Variants in PLCH2 observed in about 807,000 individuals in gnomAD.
PLCH2 encodes the protein phospholipase C eta 2, also known as 1-phosphatidylinositol 4,5-bisphosphate phosphodiesterase eta-2.
In PLCH2, 98 loss-of-function variants were observed where a neutral mutation model predicts 134.7. The ratio of observed to expected loss-of-function variants is 0.73; its 90% CI spans 0.62 to 0.86. PLCH2 has a LOEUF of 0.86. Ranked by LOEUF, PLCH2 falls within the 40% of genes least tolerant of loss-of-function variation. The probability of loss-of-function intolerance (pLI) is 0.00; values close to 1 mark genes in which losing one functional copy is unlikely to be tolerated. For missense variants in PLCH2, 1,994 were observed against 1,986.6 expected, an observed-to-expected ratio of 1.00 and a Z score of -0.07; for synonymous variants, 974 against 827.5, an observed-to-expected ratio of 1.18 and a Z score of -3.04.
At chr1:2,456,349 G>T (rs2100571664) in intron 2 of PLCH2, among the ~76,000 whole-genome samples, 1 of 152,336 alleles carries the variant, frequency 6.6e-6, no homozygotes, top group South Asian at 2.1e-4. Flanking sequence ...GTCTTGGAGG[G>T]GCTCCAGCCC....
chr1:2,498,827 C>T lies in PLCH2; in HGVS notation c.2433C>T (p.Asn811=), dbSNP rs768544987. 1.9e-5 allele frequency: 31 copies of T among 1,605,772 alleles called. No individual in the cohort carries two copies. The highest frequency in any genetic ancestry group is 2.2e-5 in the East Asian group (1 of 44,742). The part of the protein sequence containing the change: ...SREQTRVVDD[N]GFNPTWEETL... ...AGCAGACCCGCGTGGTGGACGACAA[C>T]GGTGAGGCTGGGCCGTGGCTCCGTC... The change falls in exon 18 of 22, where the codon AAC becomes AAT. Residue 811 remains asparagine, a splice_region_variant and synonymous_variant. Transcript: ENST00000378486. The surrounding 1 kb of genome is among the most constrained non-coding windows in gnomAD (Gnocchi z 5.4).
intron 1 of PLCH2, among the ~76,000 whole-genome samples, chr1:2,470,253 G>C (rs184393092): frequency 6.6e-6 from 1 of 152,316 alleles, no homozygotes; most frequent in East Asian, 1.9e-4. Context: ...CTCAGGGGCA[G>C]CCCTGTGCCC....
upstream of PLCH2, among the ~76,000 whole-genome samples, chr1:2,474,984 C>G (rs958008631): frequency 1.3e-5 from 2 of 152,210 alleles, no homozygotes; most frequent in African/African-American, 4.8e-5. Flanking sequence ...TCATGGCTCC[C>G]TAATCTAATT....
the PLCH2 span, among the ~76,000 whole-genome samples, chr1:2,420,396 A>G: frequency 6.6e-6 from 1 of 152,134 alleles, no homozygotes; most frequent in Non-Finnish European, 1.5e-5. Context: ...TGTGGGGCCC[A>G]GTGATGCTGG....
upstream of PLCH2, among the ~76,000 whole-genome samples, chr1:2,475,871 G>A (rs528147911): frequency 2.6e-5 from 4 of 152,018 alleles, no homozygotes; most frequent in East Asian, 5.9e-4. Context: ...TGGGCGCTGC[G>A]GGGATGAGGT....
intron 21 of PLCH2, chr1:2,502,912 T>TA: frequency 2.8e-6 from 2 of 717,192 alleles, no homozygotes; most frequent in Non-Finnish European, 5.2e-6. Context: ...TCTCCGCCGG[T>TA]AAGCCCCTCT....
rs370093847 is a variant in PLCH2 at position 2,476,633 on chromosome 1, G to A, written c.45G>A (p.Thr15=). 169 of 1,604,602 alleles carry A rather than the reference G, an allele frequency of 1.1e-4. No individual in the cohort carries two copies. The East Asian group carries it at 3.0e-3, about 29-fold the overall frequency. ...WPSPDSRTKG[T]VAWLAEVLLW... ...CCCCCGACAGCCGGACCAAGGGAAC[G>A]GTGGCCTGGCTGGCGGAGGTACTCC... is the stretch of plus-strand genomic sequence containing the variant. The change falls in exon 1 of 22, where the codon ACG becomes ACA. Residue 15 remains threonine, a synonymous_variant. Coordinates refer to ENST00000378486, the MANE Select transcript of PLCH2 (RefSeq NM_014638.4).
chr1:2,440,317 G>C (rs1375817475), intron 2 of PLCH2, among the ~76,000 whole-genome samples: 3 of 152,192 alleles, frequency 2.0e-5, no homozygotes, highest in Non-Finnish European at 4.4e-5. Flanking sequence ...GGTGTGCCCT[G>C]GCTGCCGGGG....
rs1643053927 is a variant in PLCH2, at chr1:2,498,923, T to G, written c.2434+95T>G. The G allele has an allele frequency of 1.5e-6, 2 of 1,335,400 alleles. No homozygotes were observed. Among genetic ancestry groups the G allele is most frequent in the Non-Finnish European group, 2.1e-6 (2 of 954,610 alleles). The allele number at this position is 1,335,400 out of a possible 1,614,324, so 82.7% of individuals were successfully genotyped here. ...TGTGCCCGGGTGCCCTGCCCAGGCC[T>G]CCCTCAGTGACAGTCCTGGGCGCCC... On this transcript the variant is annotated intron_variant, in intron 18 of 21. Coordinates refer to ENST00000378486, the MANE Select transcript of PLCH2 (RefSeq NM_014638.4). The surrounding 1 kb of genome is among the most constrained non-coding windows in gnomAD (Gnocchi z 5.4).
chr1:2,474,101 C>A (rs2100631232), upstream of PLCH2, among the ~76,000 whole-genome samples: 1 of 151,904 alleles, frequency 6.6e-6, no homozygotes, highest in Admixed American at 6.5e-5. Flanking sequence ...AGCATGAGGG[C>A]CCGTCAGTGC....
chr1:2,466,715 C>T (rs1374833404), upstream of PLCH2, among the ~76,000 whole-genome samples: 4 of 152,250 alleles, frequency 2.6e-5, no homozygotes, highest in South Asian at 2.1e-4. Context: ...CATGGGTGGA[C>T]GTCTCTTTTG....
In PLCH2 at chr1:2,497,515, CCAGT is replaced by C. The variant is rs1642961982; in HGVS notation, c.2134_2137del (p.Ser712ArgfsTer7). 29 of 1,555,482 alleles carry C rather than the reference CCAGT, an allele frequency of 1.9e-5. No homozygotes were observed. The highest frequency in any genetic ancestry group is 2.4e-5 in the Non-Finnish European group (28 of 1,149,790). ...TCACCCTCGCAGTTGCCCTGAACTA[CCAGT>C]CAGAGGGGCGGATGCTGCAGCTGAA... is the stretch of plus-strand genomic sequence containing the variant. On this transcript the variant is annotated frameshift_variant, in exon 16 of 22. Transcript: ENST00000378486. LOFTEE classifies it high-confidence loss of function.
chr1:2,452,535 C>T (rs994640527), intron 2 of PLCH2, among the ~76,000 whole-genome samples: 1 of 152,216 alleles, frequency 6.6e-6, no homozygotes, highest in Admixed American at 6.5e-5. Context: ...AGGGCTGGTG[C>T]TGAGGTGGGG....
chr1:2,497,396 A>G (rs1642954724), intron 15 of PLCH2, 106 bp from the exon 16 acceptor site: 1 of 747,944 alleles, frequency 1.3e-6, no homozygotes, highest in African/African-American at 1.7e-5. Flanking sequence ...CAGACGGCAG[A>G]TACGCGGCAG....
intron 2 of PLCH2, among the ~76,000 whole-genome samples, chr1:2,442,088 G>A (rs562196869): frequency 1.3e-5 from 2 of 152,288 alleles, no homozygotes; most frequent in Admixed American, 6.5e-5. Context: ...GCGGCAGGAC[G>A]TAGCCTCTCC....
chr1:2,468,416 T>C (rs1441722261), intron 1 of PLCH2, among the ~76,000 whole-genome samples: 1 of 152,222 alleles, frequency 6.6e-6, no homozygotes, highest in Non-Finnish European at 1.5e-5. Flanking sequence ...CCCGGGGCTG[T>C]TCACAGCAGG....
upstream of PLCH2, among the ~76,000 whole-genome samples, chr1:2,472,975 C>A (rs1179421560): frequency 6.6e-6 from 1 of 152,040 alleles, no homozygotes; most frequent in Non-Finnish European, 1.5e-5. Context: ...TATTTTCCAG[C>A]CTTCCCCAGG....
intron 8 of PLCH2, among the ~76,000 whole-genome samples, chr1:2,488,008 A>G (rs144050013): frequency 3.5e-4 from 54 of 152,224 alleles, no homozygotes; most frequent in African/African-American, 1.3e-3. Context: ...CACCCCTGAG[A>G]AGCCACTCTG....
intron 2 of PLCH2, among the ~76,000 whole-genome samples, chr1:2,445,907 A>G (rs1639920464): frequency 6.6e-6 from 1 of 152,208 alleles, no homozygotes; most frequent in African/African-American, 2.4e-5. Context: ...TCTGCGCCTA[A>G]TAGGACCGCT....
Sources: gnomAD v4.1 joint callset for allele counts (sites outside exome capture counted in the v4.1 genomes callset) on GRCh38, gnomAD v4.1.1 for gene constraint, Gnocchi (gnomAD v3.1) non-coding constraint, MANE v1.5 for transcripts, NCBI Gene and HGNC (gene_info 2026-07-23, HGNC 2026-07-21) for gene names.